The following ABCC4 variants were observed in gnomAD, a reference collection of about 807,000 sequenced individuals.
The protein encoded by ABCC4 is ATP-binding cassette sub-family C member 4.
In ABCC4, 102 loss-of-function variants were observed where a neutral mutation model predicts 168.5. The ratio of observed to expected loss-of-function variants is 0.61; its 90% confidence interval spans 0.52 to 0.71. The LOEUF (loss-of-function observed/expected upper bound fraction) is 0.71, where lower values mean the gene tolerates loss of function less well. Ranked by LOEUF, ABCC4 falls within the 30% of genes least tolerant of loss-of-function variation. The pLI is 0.00. For synonymous variants in ABCC4, 617 were observed against 590.7 expected, an observed-to-expected ratio of 1.04 and a Z score of -0.65; for missense variants, 1,402 against 1,605.8, an observed-to-expected ratio of 0.87 and a Z score of 2.17.
chr13:95,225,153 T>TCTCACACA (rs1360466403), intron 4 of ABCC4, among the ~76,000 whole-genome samples: 120 of 35,258 alleles, frequency 3.4e-3, no homozygotes, highest in Middle Eastern at 0.014. Context: ...TCTCTCTCTC[T>TCTCACACA]CACACACACA....
intron 4 of ABCC4, among the ~76,000 whole-genome samples, chr13:95,225,147 TCTCTCTCA>T (rs1331615862): frequency 0.15 from 15,404 of 99,444 alleles, 753 homozygotes; most frequent in Non-Finnish European, 0.18. Flanking sequence ...TCTGTCTCTC[TCTCTCTCA>T]CACACACACA....
chr13:95,147,126 C>G, intron 19 of ABCC4, among the ~76,000 whole-genome samples: 1 of 152,172 alleles, frequency 6.6e-6, no homozygotes, highest in Middle Eastern at 3.2e-3. Flanking sequence ...AGTTGGGTGT[C>G]TCTGCCTGAA....
At chr13:95,042,483 G>A (rs560472719) in intron 29 of ABCC4, among the ~76,000 whole-genome samples, 16 of 152,288 alleles carry the variant, frequency 1.1e-4, no homozygotes, top group Middle Eastern at 3.4e-3. Flanking sequence ...GAAAGAGAGA[G>A]AACAGAGGGA....
At chr13:95,259,920 C>T (rs966572636) in intron 1 of ABCC4, among the ~76,000 whole-genome samples, 2 of 151,774 alleles carry the variant, frequency 1.3e-5, no homozygotes, top group African/African-American at 2.4e-5. Context: ...TACTTCTGGG[C>T]TTTCTAAGGG....
At chr13:95,249,707 C>T (rs1420592043) in intron 1 of ABCC4, among the ~76,000 whole-genome samples, 1 of 152,116 alleles carries the variant, frequency 6.6e-6, no homozygotes, top group African/African-American at 2.4e-5. Flanking sequence ...GACCTCCCTT[C>T]CAGCAGAACC....
chr13:95,117,515 A>AT (rs35701887), intron 19 of ABCC4, among the ~76,000 whole-genome samples: 37,859 of 152,010 alleles, frequency 0.25, 5,005 homozygotes, highest in Middle Eastern at 0.37. Context: ...TCAGGCTATT[A>AT]TTTTATCAGC....
At chr13:95,131,380 C>T (rs2035956158) in intron 19 of ABCC4, among the ~76,000 whole-genome samples, 1 of 152,164 alleles carries the variant, frequency 6.6e-6, no homozygotes, top group Non-Finnish European at 1.5e-5. Flanking sequence ...GTAATCCTAA[C>T]ACTTTTGGAG....
At chr13:95,252,169 C>T (rs538828624) in intron 1 of ABCC4, among the ~76,000 whole-genome samples, 35 of 151,924 alleles carry the variant, frequency 2.3e-4, no homozygotes, top group African/African-American at 6.8e-4. Context: ...AAGGAGAAGC[C>T]ACAAAGGCCT....
intron 19 of ABCC4, among the ~76,000 whole-genome samples, chr13:95,140,000 T>C (rs1043249198): frequency 5.9e-5 from 9 of 152,228 alleles, no homozygotes; most frequent in Non-Finnish European, 2.9e-5. Flanking sequence ...TAGGATCCAC[T>C]GCCAAAGTCA....
At chr13:95,189,565 T>C (rs2038191247) in intron 9 of ABCC4, among the ~76,000 whole-genome samples, 1 of 152,196 alleles carries the variant, frequency 6.6e-6, no homozygotes, top group South Asian at 2.1e-4. Context: ...GGCTAATGGA[T>C]GACTTGAAAT....
intron 1 of ABCC4, among the ~76,000 whole-genome samples, chr13:95,288,158 C>T (rs983125830): frequency 6.6e-6 from 1 of 151,964 alleles, no homozygotes; most frequent in Non-Finnish European, 1.5e-5. Context: ...TACTGAAGCC[C>T]AGAGTGGTCA....
intron 11 of ABCC4, among the ~76,000 whole-genome samples, chr13:95,183,913 C>A (rs913860288): frequency 1.3e-4 from 19 of 151,610 alleles, no homozygotes; most frequent in African/African-American, 4.4e-4. Context: ...GACTCCATCT[C>A]AAAAAAAACC....
intron 25 of ABCC4, among the ~76,000 whole-genome samples, chr13:95,070,341 C>T (rs574936870): frequency 3.3e-5 from 5 of 152,092 alleles, no homozygotes; most frequent in African/African-American, 4.8e-5. Context: ...GCAAGGCAGA[C>T]AGGTGCTTGG....
At position 95,290,109 on chromosome 13, in the gene ABCC4, T is replaced by TGGATAGAC. The variant is rs2041356311; in HGVS notation, c.74+11131_74+11132insGTCTATCC. 4.1e-5 allele frequency among the ~76,000 whole-genome samples: 6 copies of TGGATAGAC among 146,986 alleles called. No homozygotes were observed. The South Asian group carries it at 1.3e-3, about 32-fold the overall frequency. On this transcript the variant is annotated intron_variant, in intron 1 of 30. Coordinates refer to ENST00000645237, the MANE Select transcript of ABCC4 (RefSeq NM_005845.5). ...AAAACTCTGTCTCAAAAAAAATAGA[T>TGGATAGAC]AGATAGATAGATAGATAGATAGATA...
intron 20 of ABCC4, among the ~76,000 whole-genome samples, chr13:95,102,684 A>G (rs1052260817): frequency 6.6e-6 from 1 of 151,240 alleles, no homozygotes. Flanking sequence ...CAATGGCACA[A>G]TCTTGGTTCA....
intron 19 of ABCC4, among the ~76,000 whole-genome samples, chr13:95,122,808 T>G (rs2035620772): frequency 7.4e-6 from 1 of 134,386 alleles, no homozygotes; most frequent in Admixed American, 8.1e-5. Flanking sequence ...ACTGTGCTGC[T>G]TTTCTCAGAA....
At chr13:95,149,328 C>A (rs2036599326) in intron 19 of ABCC4, among the ~76,000 whole-genome samples, 1 of 152,192 alleles carries the variant, frequency 6.6e-6, no homozygotes, top group South Asian at 2.1e-4. Flanking sequence ...GTCTACAATA[C>A]AGTTCATTGG....
chr13:95,275,605 T>C (rs2040952663), intron 1 of ABCC4, among the ~76,000 whole-genome samples: 2 of 112,796 alleles, frequency 1.8e-5, no homozygotes, highest in Non-Finnish European at 4.3e-5. Flanking sequence ...TTTAGGACTC[T>C]TGGCGGTGAC....
At chr13:95,184,826 C>G (rs757724521) in intron 11 of ABCC4, among the ~76,000 whole-genome samples, 6 of 152,186 alleles carry the variant, frequency 3.9e-5, no homozygotes, top group Non-Finnish European at 8.8e-5. Context: ...GGTCCATCAG[C>G]AGTTTCTTGG....
Sources: allele counts gnomAD v4.1 joint callset (sites outside exome capture counted in the v4.1 genomes callset), GRCh38; gene constraint gnomAD v4.1.1; transcripts MANE v1.5; gene names NCBI Gene and HGNC (gene_info 2026-07-23, HGNC 2026-07-21).